Variants in RORA observed in about 807,000 individuals in gnomAD.
The protein encoded by RORA is RAR related orphan receptor A.
RORA carries 7 observed loss-of-function variants against 69.5 expected under a neutral mutation model. That is an observed-to-expected ratio of 0.10 (90% CI 0.06 to 0.19). RORA has a LOEUF of 0.19. Ranked by LOEUF, RORA falls within the 10% of genes least tolerant of loss-of-function variation. The pLI, the probability that RORA is intolerant of heterozygous loss-of-function variation, is 1.00. For missense variants in RORA, 457 were observed against 663.0 expected (o/e 0.69, Z 3.41); for synonymous variants, 261 against 240.8 (o/e 1.08, Z -0.78).
At chr15:60,597,603 T>C (rs1350082104) in intron 2 of RORA, among the ~76,000 whole-genome samples, 25 of 40,578 alleles carry the variant, frequency 6.2e-4, no homozygotes, top group African/African-American at 7.4e-4. Flanking sequence ...TACACATATA[T>C]ATATATATAT....
chr15:61,069,116 T>C (rs1158088369), intron 1 of RORA, among the ~76,000 whole-genome samples: 2 of 152,202 alleles, frequency 1.3e-5, no homozygotes, highest in Non-Finnish European at 2.9e-5. Context: ...TAAAAGCTTG[T>C]ATTGTTTATT....
intron 1 of RORA, among the ~76,000 whole-genome samples, chr15:60,857,709 G>A (rs2073395614): frequency 6.6e-6 from 1 of 152,166 alleles, no homozygotes; most frequent in Admixed American, 6.5e-5. Flanking sequence ...CAACTCCAGA[G>A]TGTTGACAGC....
At chr15:60,900,243 G>T (rs1891349372) in intron 1 of RORA, among the ~76,000 whole-genome samples, 1 of 152,338 alleles carries the variant, frequency 6.6e-6, no homozygotes, top group East Asian at 1.9e-4. Flanking sequence ...ATCATTAGGA[G>T]AAAAGGGAAG....
intron 1 of RORA, among the ~76,000 whole-genome samples, chr15:61,109,994 T>A (rs2078988301): frequency 1.3e-5 from 2 of 152,212 alleles, no homozygotes; most frequent in South Asian, 4.1e-4. Context: ...ACTAACAAAT[T>A]CCTATTGCCT....
chr15:60,922,723 T>G (rs1375601054), intron 1 of RORA, among the ~76,000 whole-genome samples: 1 of 152,188 alleles, frequency 6.6e-6, no homozygotes, highest in Non-Finnish European at 1.5e-5. Flanking sequence ...TAATACTTTG[T>G]GAGGAGAGAA....
Position 60,534,244 on chromosome 15 carries a change from A to C in RORA, c.197-2393T>G, listed in dbSNP as rs183449080. 1.4e-3 allele frequency among the ~76,000 whole-genome samples: 207 copies of C among 152,288 alleles called. 2 individuals are homozygous for C. The highest frequency in any genetic ancestry group is 2.4e-3 in the Non-Finnish European group (165 of 68,026). ...TTGGGAGTACTATACTGGCCCCAGC[A>C]CTTCCACCCTTGGAATGGCTCATGT... On this transcript the variant is annotated intron_variant, in intron 2 of 10. Transcript: ENST00000335670. This position sits in a 1 kb window ranked among gnomAD's most constrained non-coding sequence, Gnocchi z 5.0.
intron 1 of RORA, among the ~76,000 whole-genome samples, chr15:60,837,566 C>T (rs1595755580): frequency 6.6e-6 from 1 of 152,210 alleles, no homozygotes; most frequent in Non-Finnish European, 1.5e-5. Flanking sequence ...CCACCTCCTG[C>T]CCTGCCTTCC....
intron 1 of RORA, among the ~76,000 whole-genome samples, chr15:61,091,463 G>A (rs975618332): frequency 2.0e-5 from 3 of 152,274 alleles, no homozygotes; most frequent in East Asian, 1.9e-4. Context: ...CTTGTGTAAC[G>A]AAGGAAGCCC....
chr15:60,919,070 C>A (rs763223794), intron 1 of RORA, among the ~76,000 whole-genome samples: 2 of 152,178 alleles, frequency 1.3e-5, no homozygotes, highest in African/African-American at 4.8e-5. Flanking sequence ...ATAATATGCA[C>A]TAGGCATGAA....
rs368737897 is a variant in RORA, at chr15:60,547,324, C to CTTT, written c.197-15476_197-15474dup. Among the ~76,000 whole-genome samples the CTTT allele has an allele frequency of 2.7e-4, 37 of 136,794 alleles. 2 individuals carry two copies. In the South Asian group the frequency reaches 8.3e-3, roughly 31 times the overall value. 89.7% of individuals were successfully genotyped at this position (136,794 alleles called of 152,430 possible). A position where few individuals can be genotyped will look rare whatever the true frequency, so the allele number is the denominator to read the frequency against. On this transcript the variant is annotated intron_variant, in intron 2 of 10. Coordinates refer to ENST00000335670, the MANE Select transcript of RORA (RefSeq NM_134261.3). ...GCTGTACTTTATAGTCCCTCTCCTC[C>CTTT]TTTTTTTTTTTTTTTTAAAGATAGG...
chr15:61,197,390 C>A (rs979328072), intron 1 of RORA, among the ~76,000 whole-genome samples: 9 of 152,166 alleles, frequency 5.9e-5, no homozygotes, highest in South Asian at 2.1e-4. Context: ...CTGCCAAGAG[C>A]CGAACCGCGG....
At chr15:60,766,722 G>T (rs905880154) in intron 1 of RORA, among the ~76,000 whole-genome samples, 3 of 151,980 alleles carry the variant, frequency 2.0e-5, no homozygotes, top group Non-Finnish European at 4.4e-5. Context: ...CTTCTTGCTG[G>T]GGCCGAGTTT....
rs531864119 is a variant in RORA, at chr15:61,175,702, G to A, written c.166+53351C>T. Among the ~76,000 whole-genome samples the A allele has an allele frequency of 2.0e-5, 3 of 152,198 alleles. No individual in the cohort carries two copies. The East Asian group carries it at 5.8e-4, about 29-fold the overall frequency. On this transcript the variant is annotated intron_variant, in intron 1 of 10. Coordinates refer to ENST00000335670, the MANE Select transcript of RORA (RefSeq NM_134261.3). ...ACTGCACTCCAACCCGGGACACAGA[G>A]CAAAACCCAGTCTCGAATAAAATAG...
chr15:60,946,274 G>A (rs34531904), intron 1 of RORA, among the ~76,000 whole-genome samples: 34,822 of 151,606 alleles, frequency 0.23, 4,741 homozygotes, highest in East Asian at 0.51. Context: ...TTCTCCCCAC[G>A]GTCTCCCTCT....
At chr15:60,881,630 G>C (rs1190343494) in intron 1 of RORA, among the ~76,000 whole-genome samples, 1 of 152,196 alleles carries the variant, frequency 6.6e-6, no homozygotes. Flanking sequence ...GAGAGAGAGA[G>C]AGACAGAGAG....
At chr15:60,806,159 C>T (rs899125567) in intron 1 of RORA, among the ~76,000 whole-genome samples, 2 of 152,166 alleles carry the variant, frequency 1.3e-5, no homozygotes, top group African/African-American at 4.8e-5. Flanking sequence ...AGGAGAATAA[C>T]TCCCTGCTTT....
intron 1 of RORA, among the ~76,000 whole-genome samples, chr15:60,946,420 G>A (rs1044694585): frequency 1.3e-5 from 2 of 152,172 alleles, no homozygotes; most frequent in African/African-American, 2.4e-5. Context: ...GGCGCGCGCC[G>A]CCACGCCTGA....
At chr15:60,708,338 C>A (rs1302807341) in intron 1 of RORA, among the ~76,000 whole-genome samples, 2 of 151,216 alleles carry the variant, frequency 1.3e-5, no homozygotes, top group East Asian at 3.9e-4. Context: ...AGGAGAATCG[C>A]TTGAATCCAG....
intron 1 of RORA, among the ~76,000 whole-genome samples, chr15:61,000,994 G>C (rs1053094418): frequency 2.0e-5 from 3 of 151,580 alleles, no homozygotes; most frequent in African/African-American, 4.8e-5. Flanking sequence ...AAAATAAATG[G>C]AAAAAAAAGA....
Sources: gnomAD v4.1 joint callset for allele counts (sites outside exome capture counted in the v4.1 genomes callset) on GRCh38, gnomAD v4.1.1 for gene constraint, Gnocchi (gnomAD v3.1) non-coding constraint, MANE v1.5 for transcripts, NCBI Gene and HGNC (gene_info 2026-07-23, HGNC 2026-07-21) for gene names.